COL11A1: variants seen among roughly 807,000 people sequenced by gnomAD.
The protein encoded by COL11A1 is collagen type XI alpha 1 chain, also known as collagen alpha-1(XI) chain.
COL11A1 carries 74 observed loss-of-function variants against 265.2 expected under a neutral mutation model. The ratio of observed to expected loss-of-function variants is 0.28; its 90% CI spans 0.23 to 0.34. COL11A1 has a LOEUF of 0.34. COL11A1 is among the 10% of genes least tolerant of loss of function. The pLI is 1.00. For missense variants in COL11A1, 2,165 were observed against 2,263.6 expected (o/e 0.96, Z 0.88); for synonymous variants, 816 against 727.6 (o/e 1.12, Z -1.96).
intron 31 of COL11A1, among the ~76,000 whole-genome samples, chr1:102,981,797 C>G (rs1663065103): frequency 6.6e-6 from 1 of 151,846 alleles, no homozygotes; most frequent in Admixed American, 6.6e-5. Flanking sequence ...GGTATCCTAC[C>G]TTAAAATAGA....
chr1:103,053,676 C>T lies in COL11A1; in HGVS notation c.651+20942G>A, dbSNP rs951848745. On this transcript the variant is annotated intron_variant, in intron 4 of 66. Coordinates refer to ENST00000370096, the MANE Select transcript of COL11A1 (RefSeq NM_001854.4). ...AAAGAATTACATCAAAGTTGTGGCT[C>T]TGTCTACTCTTATACAAGTGGTCAG... Among the ~76,000 whole-genome samples, 17 of 152,190 alleles carry T rather than the reference C, an allele frequency of 1.1e-4. 1 individual carries two copies. The highest frequency in any genetic ancestry group is 1.0e-3 in the Admixed American group (16 of 15,274).
intron 41 of COL11A1, among the ~76,000 whole-genome samples, chr1:102,948,240 T>C (rs1177841275): frequency 6.6e-6 from 1 of 152,190 alleles, no homozygotes; most frequent in Admixed American, 6.5e-5. Flanking sequence ...ACTTTCATCT[T>C]ATTTTATTCT....
chr1:102,924,442 CACA>C (rs956677742), intron 46 of COL11A1, among the ~76,000 whole-genome samples: 82 of 152,244 alleles, frequency 5.4e-4, no homozygotes, highest in African/African-American at 1.9e-3. Context: ...TCTTTCATGT[CACA>C]ACAATACTTT....
At chr1:102,928,244 T>C in intron 46 of COL11A1, among the ~76,000 whole-genome samples, 1 of 149,864 alleles carries the variant, frequency 6.7e-6, no homozygotes, top group Admixed American at 6.6e-5. Flanking sequence ...ATGCTATCCC[T>C]CCCCTCTCCC....
intron 30 of COL11A1, 35 bp from the exon 31 acceptor site, chr1:102,984,226 T>A: frequency 2.2e-6 from 3 of 1,369,192 alleles, no homozygotes; most frequent in Non-Finnish European, 3.1e-6. Context: ...AAAGTAATAT[T>A]TTAAGTTGAA....
Position 103,004,455 on chromosome 1 carries a change from G to A in COL11A1, c.1933C>T (p.Pro645Ser). 1 of 1,611,338 alleles carries A rather than the reference G, an allele frequency of 6.2e-7. No individual in the cohort carries two copies. The highest frequency in any genetic ancestry group is 8.5e-7 in the Non-Finnish European group (1 of 1,178,490). ...EDGEIGPRGL[P>S]GEAGPRGLLG... is the part of the protein sequence containing the mutation. ...AGTAAGTTGCTTACAGCTTCACCTG[G>A]AAGACCTCTTGGTCCAATTTCTCCA... The change falls in exon 20 of 67, where the codon CCA (proline) becomes TCA (serine). Residue 645 changes from proline (P) to serine (S), a missense_variant. Coordinates refer to ENST00000370096, the MANE Select transcript of COL11A1 (RefSeq NM_001854.4).
At chr1:103,002,915 T>A in intron 21 of COL11A1, 124 bp from the exon 22 acceptor site, 1 of 958,202 alleles carries the variant, frequency 1.0e-6, no homozygotes, top group Non-Finnish European at 1.6e-6. Flanking sequence ...TTTTAGGATT[T>A]AATGGAAACG....
At chr1:102,923,447 T>G in intron 46 of COL11A1, 58 bp from the exon 47 acceptor site, 1 of 1,329,940 alleles carries the variant, frequency 7.5e-7, no homozygotes, top group South Asian at 1.3e-5. Context: ...AAAAAAAAGT[T>G]TGGTCAATTT....
At chr1:102,933,720 T>C (rs1210330844) in intron 46 of COL11A1, among the ~76,000 whole-genome samples, 3 of 152,160 alleles carry the variant, frequency 2.0e-5, no homozygotes, top group Admixed American at 1.3e-4. Context: ...GATCTCAGAC[T>C]GCTGTGCTAG....
intron 11 of COL11A1, among the ~76,000 whole-genome samples, chr1:103,017,082 A>C (rs1314399733): frequency 2.0e-5 from 3 of 152,092 alleles, no homozygotes; most frequent in African/African-American, 7.2e-5. Context: ...AAATTAAGTA[A>C]GCAGAGCATG....
chr1:103,038,422 G>A (rs1668543925), intron 4 of COL11A1, among the ~76,000 whole-genome samples: 3 of 152,106 alleles, frequency 2.0e-5, no homozygotes, highest in South Asian at 4.1e-4. Flanking sequence ...CCAAGATCGC[G>A]CCACTGCCAC....
At chr1:102,926,131 T>A (rs1656571124) in intron 46 of COL11A1, among the ~76,000 whole-genome samples, 2 of 152,122 alleles carry the variant, frequency 1.3e-5, no homozygotes, top group Admixed American at 1.3e-4. Flanking sequence ...AGACAAAAAA[T>A]TATTATTATT....
At chr1:103,041,650 T>A (rs1668817792) in intron 4 of COL11A1, among the ~76,000 whole-genome samples, 1 of 151,928 alleles carries the variant, frequency 6.6e-6, no homozygotes, top group African/African-American at 2.4e-5. Context: ...CGGAGAGGAC[T>A]TTTAAAGTAT....
chr1:103,101,513 A>T (rs1205127889), intron 1 of COL11A1, among the ~76,000 whole-genome samples: 8 of 151,870 alleles, frequency 5.3e-5, no homozygotes, highest in Non-Finnish European at 1.2e-4. Context: ...CCTTTCAGGG[A>T]GTCTATGTGA....
chr1:102,939,118 A>G (rs1483134471), intron 43 of COL11A1, 30 bp from the exon 44 acceptor site: 1 of 1,586,778 alleles, frequency 6.3e-7, no homozygotes, highest in Admixed American at 1.7e-5. Context: ...CTTAGAGTTT[A>G]TCTCTAACAT....
intron 46 of COL11A1, among the ~76,000 whole-genome samples, chr1:102,924,937 A>G (rs1431863056): frequency 6.6e-6 from 1 of 151,978 alleles, no homozygotes; most frequent in Non-Finnish European, 1.5e-5. Context: ...CTAATATTGT[A>G]GGATTATGGA....
At chr1:102,914,273 T>C (rs1410589994) in intron 52 of COL11A1, 79 bp downstream of exon 52, 8 of 1,116,958 alleles carry the variant, frequency 7.2e-6, no homozygotes, top group Non-Finnish European at 1.1e-5. Context: ...GGTTATTAGA[T>C]TTTTTTTTCT....
rs1025462121 is a variant in COL11A1, at chr1:102,916,255, T to C, written c.3763-571A>G. On this transcript the variant is annotated intron_variant, in intron 49 of 66. Transcript: ENST00000370096. ...CATTTGAGTATACACATAAATGTGA[T>C]AGCCTTTATTATCTCCCTGTTTACA... Among the ~76,000 whole-genome samples the C allele has an allele frequency of 1.1e-4, 16 of 152,278 alleles. No individual in the cohort carries two copies. The East Asian group carries it at 3.1e-3, about 29-fold the overall frequency.
chr1:102,934,993 G>A (rs1197878881), intron 45 of COL11A1, 67 bp downstream of exon 45: 4 of 1,457,068 alleles, frequency 2.7e-6, no homozygotes, highest in African/African-American at 2.8e-5. Context: ...CTGGTTATGG[G>A]ACAGTATACA....
Sources: allele counts gnomAD v4.1 joint callset (sites outside exome capture counted in the v4.1 genomes callset), GRCh38; gene constraint gnomAD v4.1.1; transcripts MANE v1.5; gene names NCBI Gene and HGNC (gene_info 2026-07-23, HGNC 2026-07-21).